Variants in MYCBP2 observed in about 807,000 individuals in gnomAD.
MYCBP2 encodes the protein E3 ubiquitin-protein ligase MYCBP2.
MYCBP2 carries 120 observed loss-of-function variants against 525.3 expected under a neutral mutation model. The ratio of observed to expected loss-of-function variants is 0.23; its 90% CI spans 0.20 to 0.27. The LOEUF is 0.27. Ranked by LOEUF, MYCBP2 falls within the 10% of genes least tolerant of loss-of-function variation. The probability of loss-of-function intolerance (pLI) is 1.00; values close to 1 mark genes in which losing one functional copy is unlikely to be tolerated. For synonymous variants in MYCBP2, 1,894 were observed against 1,955.8 expected, an observed-to-expected ratio of 0.97 and a Z score of 0.83; for missense variants, 4,149 against 5,657.1, an observed-to-expected ratio of 0.73 and a Z score of 8.55.
At chr13:77,101,373 C>T (rs1739343239) in intron 55 of MYCBP2, among the ~76,000 whole-genome samples, 1 of 152,058 alleles carries the variant, frequency 6.6e-6, no homozygotes, top group African/African-American at 2.4e-5. Context: ...ACAACAGCTG[C>T]ATGCAAAGGA....
chr13:77,266,514 C>T (rs911830288), intron 8 of MYCBP2, among the ~76,000 whole-genome samples: 1 of 151,418 alleles, frequency 6.6e-6, no homozygotes, highest in South Asian at 2.1e-4. Flanking sequence ...AGGAAAAATA[C>T]GAGAAGGATA....
At chr13:77,221,787 A>G (rs2065619999) in intron 20 of MYCBP2, among the ~76,000 whole-genome samples, 1 of 152,144 alleles carries the variant, frequency 6.6e-6, no homozygotes, top group South Asian at 2.1e-4. Context: ...GTTCTTCCCC[A>G]CACAGGTTAT....
chr13:77,139,318 C>A lies in MYCBP2; in HGVS notation c.7537G>T (p.Val2513Leu). 6.2e-7 allele frequency: 1 copy of A among 1,613,124 alleles called. No individual in the cohort carries two copies. Among genetic ancestry groups the A allele is most frequent in the Non-Finnish European group, 8.5e-7 (1 of 1,179,396 alleles). Reference sequence around the variant, plus strand: ...GTCTCATCATTCAGCCTCAGCCACACACCATCATCATTATGGATCTATAGA... The same window carrying A: ...GTCTCATCATTCAGCCTCAGCCACAAACCATCATCATTATGGATCTATAGA... ...FIDEIHNDDG[V>L]WLRLNDETIK... The change falls in exon 52 of 83, where the codon GTG becomes TTG. Residue 2513 changes from valine to leucine, a missense_variant. Transcript: ENST00000544440.
At chr13:77,245,452 G>A (rs565510600) in intron 15 of MYCBP2, among the ~76,000 whole-genome samples, 1 of 152,108 alleles carries the variant, frequency 6.6e-6, no homozygotes, top group Non-Finnish European at 1.5e-5. Context: ...CGTGTTCTTT[G>A]CAGGGACATG....
intron 23 of MYCBP2, among the ~76,000 whole-genome samples, chr13:77,207,477 A>G (rs541381780): frequency 1.8e-4 from 27 of 152,312 alleles, no homozygotes; most frequent in African/African-American, 2.6e-4. Context: ...CTATTGTTTA[A>G]TAACTATAGA....
intron 68 of MYCBP2, among the ~76,000 whole-genome samples, chr13:77,072,160 G>A (rs977762675): frequency 4.6e-5 from 7 of 151,700 alleles, no homozygotes; most frequent in African/African-American, 1.2e-4. Context: ...GCATGGTGGC[G>A]GGCGCCTGTA....
At chr13:77,276,171 A>C (rs2075554305) in intron 4 of MYCBP2, among the ~76,000 whole-genome samples, 1 of 152,244 alleles carries the variant, frequency 6.6e-6, no homozygotes, top group African/African-American at 2.4e-5. Context: ...AATATAATCT[A>C]ATTGAACAGA....
rs764252941 is a variant in MYCBP2, at chr13:77,174,441, C to T, written c.5521G>A (p.Ala1841Thr). 3 of 1,614,140 alleles carry T rather than the reference C, an allele frequency of 1.9e-6. No individual in the cohort carries two copies. The highest frequency in any genetic ancestry group is 2.2e-5 in the South Asian group (2 of 91,080). The change falls in exon 37 of 83, where the codon GCC becomes ACC. Residue 1841 changes from alanine to threonine, a missense_variant. Coordinates refer to ENST00000544440, the MANE Select transcript of MYCBP2 (RefSeq NM_015057.5). ...VRLRNYGSRT[A>T]NGDGGMTTVQ... ...GTGGTCATTCCTCCATCTCCATTGG[C>T]TGTACGGCTTCCATAGTTCCTCAAG...
At chr13:77,069,140 T>C (rs575684730) in intron 69 of MYCBP2, among the ~76,000 whole-genome samples, 232 of 152,346 alleles carry the variant, frequency 1.5e-3, no homozygotes, top group African/African-American at 5.3e-3. Flanking sequence ...ATTTTATCAC[T>C]GAAGGCACTT....
intron 2 of MYCBP2, among the ~76,000 whole-genome samples, chr13:77,288,596 CT>C (rs2077137790): frequency 6.6e-6 from 1 of 152,116 alleles, no homozygotes; most frequent in Non-Finnish European, 1.5e-5. Context: ...CTGACAAGGG[CT>C]GGAAAAGGAT....
At chr13:77,306,470 T>C (rs2079430609) in intron 1 of MYCBP2, among the ~76,000 whole-genome samples, 1 of 152,186 alleles carries the variant, frequency 6.6e-6, no homozygotes, top group Non-Finnish European at 1.5e-5. Context: ...TGATCTTATT[T>C]GGAAGTCTTC....
intron 26 of MYCBP2, 141 bp from the exon 27 acceptor site, chr13:77,194,385 T>C (rs1270926876): frequency 8.1e-6 from 5 of 616,830 alleles, no homozygotes; most frequent in African/African-American, 7.3e-5. Flanking sequence ...TTTTTAACAT[T>C]ACTATGTGAA....
Position 77,098,929 on chromosome 13 carries a change from A to C in MYCBP2, c.8225T>G (p.Leu2742Arg). 6.2e-7 allele frequency: 1 copy of C among 1,613,572 alleles called. No homozygotes were observed. The highest frequency in any genetic ancestry group is 8.5e-7 in the Non-Finnish European group (1 of 1,179,748). The change falls in exon 56 of 83, where the codon CTT (leucine) becomes CGT (arginine). Residue 2742 changes from leucine (L) to arginine (R), a missense_variant. Physicochemically the swap from Leu to Arg is moderately radical, Grantham distance 102 (BLOSUM62 -2). Transcript: ENST00000544440. ...SELSSKHSRSLKPDGRMSRTT... is the reference protein window; with the variant it reads ...SELSSKHSRSRKPDGRMSRTT... ...CCGGCTCATACGTCCATCAGGTTTA[A>C]GCGATCTGCTGTGTTTAGAGGACAG...
chr13:77,169,963 G>A (rs1305906299), intron 38 of MYCBP2, among the ~76,000 whole-genome samples: 1 of 152,092 alleles, frequency 6.6e-6, no homozygotes, highest in African/African-American at 2.4e-5. Context: ...GGCACATAGG[G>A]TTTAAGTATC....
intron 54 of MYCBP2, 116 bp downstream of exon 54, chr13:77,125,220 G>C (rs1248397848): frequency 1.5e-6 from 2 of 1,293,612 alleles, no homozygotes; most frequent in Non-Finnish European, 2.1e-6. Context: ...TTTTAGTTTT[G>C]CTTGTTAAAA....
At chr13:77,248,952 G>C (rs568318051) in intron 15 of MYCBP2, among the ~76,000 whole-genome samples, 1 of 152,230 alleles carries the variant, frequency 6.6e-6, no homozygotes, top group East Asian at 1.9e-4. Flanking sequence ...AAGATGTTCC[G>C]ACATATGTGA....
rs141936784 is a variant in MYCBP2 at position 77,138,114 on chromosome 13, T to C, written c.7659+1082A>G. Reference sequence around the variant, plus strand: ...TAAAATTTAGTATTTTACTTATAGATGTATCATTGTTCAACTTAACCTCCG... The same window carrying C: ...TAAAATTTAGTATTTTACTTATAGACGTATCATTGTTCAACTTAACCTCCG... On this transcript the variant is annotated intron_variant, in intron 52 of 82. Transcript: ENST00000544440. 3.9e-3 allele frequency among the ~76,000 whole-genome samples: 595 copies of C among 152,334 alleles called. 2 individuals are homozygous for C. Among genetic ancestry groups the C allele is most frequent in the Non-Finnish European group, 6.4e-3 (436 of 68,028 alleles).
chr13:77,300,861 T>C (rs936686529), intron 1 of MYCBP2, among the ~76,000 whole-genome samples: 1 of 151,986 alleles, frequency 6.6e-6, no homozygotes, highest in Admixed American at 6.5e-5. Context: ...AATCCAGAGG[T>C]GGAAGAGCAC....
At chr13:77,094,260 T>C (rs546134216) in intron 58 of MYCBP2, among the ~76,000 whole-genome samples, 2 of 152,156 alleles carry the variant, frequency 1.3e-5, no homozygotes, top group East Asian at 3.9e-4. Flanking sequence ...ATGAAAAAAA[T>C]TTGGTTTTGG....
Sources: allele counts gnomAD v4.1 joint callset (sites outside exome capture counted in the v4.1 genomes callset), GRCh38; gene constraint gnomAD v4.1.1; transcripts MANE v1.5; gene names NCBI Gene and HGNC (gene_info 2026-07-23, HGNC 2026-07-21).